SCARA5: variants seen among roughly 807,000 people sequenced by gnomAD.
SCARA5 encodes scavenger receptor class A, member 5 (putative).
In SCARA5, 45 loss-of-function variants were observed where a neutral mutation model predicts 46.3. The ratio of observed to expected loss-of-function variants is 0.97; its 90% CI spans 0.76 to 1.24. The LOEUF (loss-of-function observed/expected upper bound fraction) is 1.24, where lower values mean the gene tolerates loss of function less well. Among genes scored for constraint, SCARA5 ranks in the 50% most tolerant of loss-of-function variants. The pLI, the probability that SCARA5 is intolerant of heterozygous loss-of-function variation, is 0.00. For synonymous variants in SCARA5, 333 were observed against 306.5 expected (o/e 1.09, Z -0.90); for missense variants, 680 against 689.0 (o/e 0.99, Z 0.15).
At chr8:27,908,072 C>T (rs999981070) in intron 5 of SCARA5, among the ~76,000 whole-genome samples, 2 of 148,994 alleles carry the variant, frequency 1.3e-5, no homozygotes, top group African/African-American at 4.9e-5. Context: ...GATCTGAGCC[C>T]TGCTGTTGCT....
At chr8:27,915,514 C>T (rs974265282) in intron 4 of SCARA5, among the ~76,000 whole-genome samples, 13 of 152,208 alleles carry the variant, frequency 8.5e-5, no homozygotes, top group African/African-American at 2.9e-4. Flanking sequence ...ATGTTCCCCA[C>T]TTTCAGCAGG....
chr8:27,912,771 G>A (rs1412496391), intron 4 of SCARA5, among the ~76,000 whole-genome samples: 1 of 152,214 alleles, frequency 6.6e-6, no homozygotes, highest in Non-Finnish European at 1.5e-5. Flanking sequence ...GGTGCAACCT[G>A]CAGGGGGGTC....
rs551059020 is a variant in SCARA5, at chr8:27,914,355, T to C, written c.917-4612A>G. ...ACCCTTCTGGTCTCTTAGTGTACCA[T>C]GGGCAGAGCCCCCAAATCTCAGAGC... On this transcript the variant is annotated intron_variant, in intron 4 of 8. Transcript: ENST00000354914. Among the ~76,000 whole-genome samples, 150 of 152,338 alleles carry C rather than the reference T, an allele frequency of 9.8e-4. 4 individuals are homozygous for C. Among genetic ancestry groups the C allele is most frequent in the African/African-American group, 3.3e-3 (136 of 41,584 alleles).
At chr8:27,896,324 C>T (rs1031743078) in intron 7 of SCARA5, among the ~76,000 whole-genome samples, 6 of 152,126 alleles carry the variant, frequency 3.9e-5, no homozygotes, top group Admixed American at 1.3e-4. Flanking sequence ...CTGCCATCCC[C>T]TCCTTGCCCT....
intron 3 of SCARA5, among the ~76,000 whole-genome samples, chr8:27,958,090 T>C (rs1808233366): frequency 6.6e-6 from 1 of 152,162 alleles, no homozygotes; most frequent in Admixed American, 6.5e-5. Context: ...AGCTGAGAGA[T>C]GGGTGCTCTG....
chr8:27,921,815 G>A lies in SCARA5; in HGVS notation c.672C>T (p.Gly224=), dbSNP rs1435670479. 8 of 1,549,400 alleles carry A rather than the reference G, an allele frequency of 5.2e-6. No individual in the cohort carries two copies. The highest frequency in any genetic ancestry group is 1.4e-5 in the African/African-American group (1 of 73,028). ...GILGEELADV[G]GVLRGLNHSL... ...TGTGGTTGAGGCCGCGCAGCACGCC[G>A]CCCACGTCGGCCAGCTCCTCGCCCA... is the stretch of plus-strand genomic sequence containing the variant. Residue 224 remains glycine (G), a synonymous_variant, in exon 4 of 9, where the codon GGC becomes GGT. Coordinates refer to ENST00000354914, the MANE Select transcript of SCARA5 (RefSeq NM_173833.6).
At chr8:27,988,908 G>A (rs1426517958) in intron 1 of SCARA5, among the ~76,000 whole-genome samples, 1 of 152,098 alleles carries the variant, frequency 6.6e-6, no homozygotes, top group East Asian at 1.9e-4. Flanking sequence ...GAGGCTGGGA[G>A]GAGAGGATGC....
intron 3 of SCARA5, among the ~76,000 whole-genome samples, chr8:27,964,909 T>C (rs759968599): frequency 1.3e-5 from 2 of 152,204 alleles, no homozygotes; most frequent in Admixed American, 6.5e-5. Flanking sequence ...TGGGCTGGAA[T>C]GCTTTCTGAA....
chr8:27,991,570 A>G lies in SCARA5; in HGVS notation c.-16+687T>C, dbSNP rs1282662464. 3.9e-5 allele frequency among the ~76,000 whole-genome samples: 6 copies of G among 152,204 alleles called. No individual in the cohort carries two copies. In the South Asian group the frequency reaches 6.2e-4, roughly 16 times the overall value. ...GCACGAGCCTCATTTGCTGCTACCA[A>G]GTCAGTTTCTCTGGGTACCCGCATC... On this transcript the variant is annotated intron_variant, in intron 1 of 8. Coordinates refer to ENST00000354914, the MANE Select transcript of SCARA5 (RefSeq NM_173833.6).
chr8:27,926,366 A>T (rs924455810), intron 3 of SCARA5, among the ~76,000 whole-genome samples: 1 of 151,966 alleles, frequency 6.6e-6, no homozygotes, highest in Non-Finnish European at 1.5e-5. Context: ...CAAACACTGC[A>T]TGTTCTCACT....
intron 3 of SCARA5, among the ~76,000 whole-genome samples, chr8:27,928,862 C>T (rs575343855): frequency 1.2e-4 from 18 of 152,174 alleles, no homozygotes; most frequent in Non-Finnish European, 2.5e-4. Flanking sequence ...GATGGGGTTT[C>T]GCCACGTTGG....
chr8:27,895,470 G>A (rs1807048883), intron 7 of SCARA5, among the ~76,000 whole-genome samples: 1 of 152,218 alleles, frequency 6.6e-6, no homozygotes, highest in African/African-American at 2.4e-5. Flanking sequence ...TTTGTAAAAT[G>A]CTATTTCCTA....
intron 4 of SCARA5, 86 bp from the exon 5 acceptor site, chr8:27,909,829 T>TC: frequency 7.1e-6 from 6 of 840,878 alleles, no homozygotes; most frequent in East Asian, 3.0e-5. Context: ...AAACGCCCTC[T>TC]CTGAGGAGAG....
intron 2 of SCARA5, among the ~76,000 whole-genome samples, chr8:27,971,856 T>C (rs568506016): frequency 9.9e-5 from 15 of 152,174 alleles, no homozygotes; most frequent in African/African-American, 3.6e-4. Context: ...TTCTCCTCTG[T>C]AGGCATCCTC....
At chr8:27,912,387 A>C (rs1300695302) in intron 4 of SCARA5, among the ~76,000 whole-genome samples, 1 of 152,228 alleles carries the variant, frequency 6.6e-6, no homozygotes, top group African/African-American at 2.4e-5. Context: ...CGCAGGGAAA[A>C]AAGTAGTCAA....
chr8:27,936,829 T>A (rs1210720102), intron 3 of SCARA5, among the ~76,000 whole-genome samples: 1 of 152,148 alleles, frequency 6.6e-6, no homozygotes, highest in East Asian at 1.9e-4. Context: ...AATGTATTTA[T>A]TACTGTGCCC....
At position 27,974,569 on chromosome 8, in the gene SCARA5, T is replaced by C. The variant is rs570714437; in HGVS notation, c.113-8027A>G. On this transcript the variant is annotated intron_variant, in intron 2 of 8. Coordinates refer to ENST00000354914, the MANE Select transcript of SCARA5 (RefSeq NM_173833.6). ...ACAGCTCATAAACAGCAGGTAGAGATAGCGTTTTATTGCTGGGAGGAACCT... is the reference window on the plus strand; with the variant it reads ...ACAGCTCATAAACAGCAGGTAGAGACAGCGTTTTATTGCTGGGAGGAACCT... 2.6e-5 allele frequency among the ~76,000 whole-genome samples: 4 copies of C among 152,268 alleles called. No homozygotes were observed. In the East Asian group the frequency reaches 7.7e-4, roughly 29 times the overall value.
intron 3 of SCARA5, among the ~76,000 whole-genome samples, chr8:27,960,233 A>G (rs911482559): frequency 1.3e-5 from 2 of 151,302 alleles, no homozygotes; most frequent in East Asian, 3.9e-4. Flanking sequence ...CTGGAGCGCA[A>G]TGATGCAATC....
chr8:27,960,091 A>G (rs1460618887), intron 3 of SCARA5, among the ~76,000 whole-genome samples: 1 of 152,226 alleles, frequency 6.6e-6, no homozygotes, highest in Non-Finnish European at 1.5e-5. Flanking sequence ...TGTTCAGGCT[A>G]AACAAGTAGG....
Sources: gnomAD v4.1 joint callset for allele counts (sites outside exome capture counted in the v4.1 genomes callset) on GRCh38, gnomAD v4.1.1 for gene constraint, MANE v1.5 for transcripts, NCBI Gene and HGNC (gene_info 2026-07-23, HGNC 2026-07-21) for gene names.